TENM3: variants seen among roughly 807,000 people sequenced by gnomAD.
TENM3 encodes teneurin-3.
In TENM3, 63 loss-of-function variants were observed where a neutral mutation model predicts 255.1. The ratio of observed to expected loss-of-function variants is 0.25; its 90% CI spans 0.20 to 0.30. TENM3 has a LOEUF of 0.30. TENM3 is among the 10% of genes least tolerant of loss of function. The pLI is 1.00. For synonymous variants in TENM3, 1,306 were observed against 1,322.3 expected (o/e 0.99, Z 0.27); for missense variants, 2,929 against 3,461.1 (o/e 0.85, Z 3.86).
the TENM3 span, among the ~76,000 whole-genome samples, chr4:181,494,113 G>T: frequency 6.6e-6 from 1 of 152,042 alleles, no homozygotes; most frequent in African/African-American, 2.4e-5. Flanking sequence ...CTTGTCAAGG[G>T]TTATACACCT....
chr4:181,680,241 C>G, the TENM3 span, among the ~76,000 whole-genome samples: 1 of 152,118 alleles, frequency 6.6e-6, no homozygotes. Context: ...CTTTCTTTCT[C>G]TCTCAAGTAT....
chr4:181,994,828 A>T, the TENM3 span, among the ~76,000 whole-genome samples: 1 of 152,240 alleles, frequency 6.6e-6, no homozygotes, highest in African/African-American at 2.4e-5. Flanking sequence ...AGAATAAATT[A>T]GAATGTAATT....
the TENM3 span, among the ~76,000 whole-genome samples, chr4:181,595,443 A>AACAAAAAAAAAC: frequency 3.7e-4 from 49 of 130,770 alleles, no homozygotes; most frequent in African/African-American, 1.4e-3. Flanking sequence ...AAAAAAAAAA[A>AACAAAAAAAAAC]AAAAAAAAAA....
chr4:181,945,577 A>G, the TENM3 span, among the ~76,000 whole-genome samples: 1 of 151,884 alleles, frequency 6.6e-6, no homozygotes, highest in African/African-American at 2.4e-5. Flanking sequence ...AACTTAGTCA[A>G]TCTGCTTGTG....
chr4:182,650,348 C>T (rs1005431311), intron 5 of TENM3, among the ~76,000 whole-genome samples: 1 of 150,250 alleles, frequency 6.7e-6, no homozygotes, highest in African/African-American at 2.4e-5. Flanking sequence ...CTGGGACATG[C>T]CTAAACCAAG....
the TENM3 span, among the ~76,000 whole-genome samples, chr4:181,666,446 A>G: frequency 2.6e-5 from 4 of 152,320 alleles, no homozygotes; most frequent in African/African-American, 7.2e-5. Flanking sequence ...ATTAAGCAGT[A>G]GATTCACAAT....
At chr4:181,771,798 A>G in the TENM3 span, among the ~76,000 whole-genome samples, 2 of 152,214 alleles carry the variant, frequency 1.3e-5, no homozygotes, top group Admixed American at 6.5e-5. Context: ...CGCAGACCAC[A>G]TTTTGCGAAG....
chr4:181,494,133 T>A, the TENM3 span, among the ~76,000 whole-genome samples: 1 of 152,186 alleles, frequency 6.6e-6, no homozygotes, highest in African/African-American at 2.4e-5. Context: ...TAATAAGTGG[T>A]GAACTCAAGA....
the TENM3 span, among the ~76,000 whole-genome samples, chr4:181,807,256 G>C: frequency 0.031 from 4,708 of 152,246 alleles, 261 homozygotes; most frequent in African/African-American, 0.11. Flanking sequence ...GAACAATAGC[G>C]TATCTTCCAT....
At chr4:181,507,701 T>C in the TENM3 span, among the ~76,000 whole-genome samples, 2 of 152,232 alleles carry the variant, frequency 1.3e-5, no homozygotes, top group Non-Finnish European at 2.9e-5. Flanking sequence ...GATGGGTTCT[T>C]GAATAGCGGT....
intron 13 of TENM3, among the ~76,000 whole-genome samples, chr4:182,718,720 C>T (rs1351463565): frequency 6.6e-6 from 1 of 152,148 alleles, no homozygotes; most frequent in Non-Finnish European, 1.5e-5. Flanking sequence ...TGCTGAACCT[C>T]TGATGTGCTT....
At chr4:182,512,971 G>A (rs1333094297) in intron 3 of TENM3, among the ~76,000 whole-genome samples, 3 of 152,130 alleles carry the variant, frequency 2.0e-5, no homozygotes, top group Admixed American at 6.5e-5. Context: ...TGGTGGAATA[G>A]GACATGATAT....
At chr4:181,518,670 G>A in the TENM3 span, among the ~76,000 whole-genome samples, 701 of 152,152 alleles carry the variant, frequency 4.6e-3, 9 homozygotes, top group African/African-American at 0.016. Flanking sequence ...CTCGTGATCC[G>A]CCCGCCTCAG....
At chr4:181,866,055 C>G in the TENM3 span, among the ~76,000 whole-genome samples, 4 of 152,046 alleles carry the variant, frequency 2.6e-5, no homozygotes, top group Non-Finnish European at 4.4e-5. Flanking sequence ...GTATGAAATT[C>G]CTGAAAGCTG....
chr4:182,570,899 C>G (rs898654162), intron 3 of TENM3, among the ~76,000 whole-genome samples: 1 of 151,772 alleles, frequency 6.6e-6, no homozygotes, highest in Non-Finnish European at 1.5e-5. Context: ...TTCTGTAGGT[C>G]GATGCGTGTG....
chr4:181,931,257 T>G, the TENM3 span, among the ~76,000 whole-genome samples: 2 of 152,238 alleles, frequency 1.3e-5, no homozygotes, highest in Non-Finnish European at 2.9e-5. Context: ...ATTGTATATT[T>G]GGAAAACCCC....
rs1750020643 is a variant in TENM3, at chr4:182,620,544, T to G, written c.750-8107T>G. On this transcript the variant is annotated intron_variant, in intron 4 of 27. Coordinates refer to ENST00000511685, the MANE Select transcript of TENM3 (RefSeq NM_001080477.4). Reference sequence around the variant, plus strand: ...GTAATGTCTAAGAGATTTTTACATGTATATTTTCACATATCTATTTTGAGG... The same window carrying G: ...GTAATGTCTAAGAGATTTTTACATGGATATTTTCACATATCTATTTTGAGG... Among the ~76,000 whole-genome samples, 3 of 152,250 alleles carry G rather than the reference T, an allele frequency of 2.0e-5. No homozygotes were observed. The South Asian group carries it at 6.2e-4, about 32-fold the overall frequency.
chr4:181,805,459 C>T, the TENM3 span, among the ~76,000 whole-genome samples: 2 of 152,112 alleles, frequency 1.3e-5, no homozygotes, highest in African/African-American at 2.4e-5. Context: ...CATTCAAGTG[C>T]CCACGGAAAG....
the TENM3 span, among the ~76,000 whole-genome samples, chr4:181,972,068 G>T: frequency 6.6e-6 from 1 of 151,678 alleles, no homozygotes; most frequent in East Asian, 1.9e-4. Flanking sequence ...GAGATAAAAG[G>T]TATGGGAAAC....
Sources: gnomAD v4.1 joint callset for allele counts (sites outside exome capture counted in the v4.1 genomes callset) on GRCh38, gnomAD v4.1.1 for gene constraint, MANE v1.5 for transcripts, NCBI Gene and HGNC (gene_info 2026-07-23, HGNC 2026-07-21) for gene names.